The following THSD4 variants were observed in gnomAD, a reference collection of about 807,000 sequenced individuals.
The protein encoded by THSD4 is thrombospondin type 1 domain containing 4.
Under a neutral mutation model 119.0 loss-of-function variants are expected in THSD4, and 69 were observed. That is an observed-to-expected ratio of 0.58 (90% CI 0.48 to 0.71). The LOEUF is 0.71. Among genes scored for constraint, THSD4 ranks in the 30% least tolerant of loss-of-function variants. The pLI is 0.00. For synonymous variants in THSD4, 524 were observed against 540.4 expected (o/e 0.97, Z 0.42); for missense variants, 1,393 against 1,391.1 (o/e 1.00, Z -0.02).
At chr15:71,459,390 CTCTCTCTCTCTCTCTG>C (rs2047393735) in intron 7 of THSD4, among the ~76,000 whole-genome samples, 4 of 151,264 alleles carry the variant, frequency 2.6e-5, no homozygotes, top group African/African-American at 7.3e-5. Context: ...GTCTCTCTCT[CTCTCTCTCTCTCTCTG>C]TCTCTCTCTC....
In THSD4 at chr15:71,686,044, T is replaced by C. The variant is rs183999074; in HGVS notation, c.1357+25310T>C. On this transcript the variant is annotated intron_variant, in intron 8 of 17. Coordinates refer to ENST00000261862, the MANE Select transcript of THSD4 (RefSeq NM_024817.3). ...AGTTCCCATGTACTCTTAACCCAGC[T>C]TCCCCTAATAAGAAATTTTTAAAAC... 9.2e-5 allele frequency among the ~76,000 whole-genome samples: 14 copies of C among 152,316 alleles called. No individual in the cohort carries two copies. The East Asian group carries it at 2.5e-3, about 27-fold the overall frequency.
At chr15:71,530,486 G>A (rs904185447) in intron 7 of THSD4, among the ~76,000 whole-genome samples, 2 of 152,158 alleles carry the variant, frequency 1.3e-5, no homozygotes, top group Non-Finnish European at 2.9e-5. Context: ...TGGTTTTTGG[G>A]TGTGAGTTTT....
intron 8 of THSD4, among the ~76,000 whole-genome samples, chr15:71,705,225 GT>G (rs2052371700): frequency 6.6e-6 from 1 of 152,192 alleles, no homozygotes; most frequent in Non-Finnish European, 1.5e-5. Flanking sequence ...CACAGCAGGT[GT>G]CCCTCAAACT....
chr15:71,244,696 A>C lies in THSD4; in HGVS notation c.912+1600A>C, dbSNP rs546598857. On this transcript the variant is annotated intron_variant, in intron 5 of 17. Coordinates refer to ENST00000261862, the MANE Select transcript of THSD4 (RefSeq NM_024817.3). Reference sequence around the variant, plus strand: ...TCTACCTCCTAGCATTGCTTTGAGGATCAAATGAGGGATGGTAGGAAAGTG... The same window carrying C: ...TCTACCTCCTAGCATTGCTTTGAGGCTCAAATGAGGGATGGTAGGAAAGTG... Among the ~76,000 whole-genome samples the C allele has an allele frequency of 2.6e-5, 4 of 152,348 alleles. No homozygotes were observed. In the South Asian group the frequency reaches 8.3e-4, roughly 32 times the overall value.
chr15:71,712,079 G>A (rs1425785459), intron 8 of THSD4, among the ~76,000 whole-genome samples: 6 of 152,008 alleles, frequency 3.9e-5, no homozygotes, highest in African/African-American at 1.4e-4. Flanking sequence ...AGTGTACATG[G>A]AACAGTCACT....
chr15:71,259,358 TTTC>T (rs2044362981), intron 6 of THSD4, among the ~76,000 whole-genome samples: 1 of 152,136 alleles, frequency 6.6e-6, no homozygotes, highest in African/African-American at 2.4e-5. Flanking sequence ...TGAGAATAAA[TTTC>T]TCTTGTTTGA....
rs770209380 is a variant in THSD4, at chr15:71,745,246, C to A, written c.2036+11C>A. 6.2e-7 allele frequency: 1 copy of A among 1,613,536 alleles called. No individual in the cohort carries two copies. Among genetic ancestry groups the A allele is most frequent in the South Asian group, 1.1e-5 (1 of 91,028 alleles). ...CCCTTGCCCAGCCTTGTAAGAAGGCCCCTCCATTTAGGTCGCCTATTACCG... is the reference window on the plus strand; with the variant it reads ...CCCTTGCCCAGCCTTGTAAGAAGGCACCTCCATTTAGGTCGCCTATTACCG... On this transcript the variant is annotated intron_variant, in intron 12 of 17. Transcript: ENST00000261862.
rs147703730 is a variant in THSD4 at position 71,181,635 on chromosome 15, C to G, written c.99+26703C>G. ...TGCTTATGGACTTCTCCACTGTGGA[C>G]AGAGTCCCTCTTTGCCATCCCCAGC... On this transcript the variant is annotated intron_variant, in intron 3 of 17. Coordinates refer to ENST00000261862, the MANE Select transcript of THSD4 (RefSeq NM_024817.3). Among the ~76,000 whole-genome samples, 386 of 152,312 alleles carry G rather than the reference C, an allele frequency of 2.5e-3. 4 individuals are homozygous for G. The highest frequency in any genetic ancestry group is 6.8e-3 in the Middle Eastern group (2 of 294).
At chr15:71,156,254 G>C (rs1392557608) in intron 3 of THSD4, among the ~76,000 whole-genome samples, 1 of 151,698 alleles carries the variant, frequency 6.6e-6, no homozygotes, top group African/African-American at 2.4e-5. Context: ...TCTGAGAGGG[G>C]GTTTTCTTTT....
chr15:71,532,283 A>AGAGAGAGAGAGAGAGAGTGTGTGT (rs1379506089), intron 7 of THSD4, among the ~76,000 whole-genome samples: 68 of 101,620 alleles, frequency 6.7e-4, no homozygotes, highest in South Asian at 1.6e-3. Flanking sequence ...AGAGAGAGAG[A>AGAGAGAGAGAGAGAGAGTGTGTGT]GTGTGTGTGT....
At chr15:71,576,257 A>G (rs1392410125) in intron 7 of THSD4, among the ~76,000 whole-genome samples, 5 of 152,222 alleles carry the variant, frequency 3.3e-5, no homozygotes, top group African/African-American at 1.2e-4. Context: ...AATCTTTCTC[A>G]ATACATTTGC....
chr15:71,207,856 G>A (rs756594235), intron 3 of THSD4, among the ~76,000 whole-genome samples: 7 of 152,152 alleles, frequency 4.6e-5, no homozygotes, highest in Non-Finnish European at 1.0e-4. Flanking sequence ...CATGGAACTG[G>A]TTCCTGGTGC....
chr15:71,502,659 T>G (rs115189247), intron 7 of THSD4, among the ~76,000 whole-genome samples: 2 of 152,148 alleles, frequency 1.3e-5, no homozygotes, highest in African/African-American at 4.8e-5. Context: ...AACAGTTGAC[T>G]TGAAAAATAA....
chr15:71,295,794 A>C (rs1455063941), intron 6 of THSD4, among the ~76,000 whole-genome samples: 2 of 152,120 alleles, frequency 1.3e-5, no homozygotes, highest in African/African-American at 4.8e-5. Flanking sequence ...CATTTTTATC[A>C]TGTCAGTAAT....
intron 6 of THSD4, among the ~76,000 whole-genome samples, chr15:71,340,792 G>T (rs1290202574): frequency 6.6e-6 from 1 of 152,026 alleles, no homozygotes. Context: ...TAGAGACAGA[G>T]TTTCGTCATG....
chr15:71,772,553 A>G (rs562119207), intron 17 of THSD4, among the ~76,000 whole-genome samples: 3 of 152,370 alleles, frequency 2.0e-5, no homozygotes, highest in Admixed American at 6.5e-5. Flanking sequence ...AAGGTTCCCA[A>G]GGGGAGCCGT....
At chr15:71,565,623 A>G (rs1306850909) in intron 7 of THSD4, among the ~76,000 whole-genome samples, 1 of 148,158 alleles carries the variant, frequency 6.7e-6, no homozygotes, top group Non-Finnish European at 1.5e-5. Flanking sequence ...AGGATGTGTT[A>G]GAAGTGATGG....
upstream of THSD4, chr15:71,111,496 GA>G: frequency 9.0e-7 from 1 of 1,113,492 alleles, no homozygotes; most frequent in South Asian, 1.6e-5. Context: ...GAGATTTTTA[GA>G]AACAGCTCAA....
chr15:71,637,403 A>G (rs1333818512), intron 7 of THSD4, among the ~76,000 whole-genome samples: 1 of 152,182 alleles, frequency 6.6e-6, no homozygotes, highest in Non-Finnish European at 1.5e-5. Flanking sequence ...AAAGGAAAGA[A>G]AAAAAGGGAA....
Sources: allele counts gnomAD v4.1 joint callset (sites outside exome capture counted in the v4.1 genomes callset), GRCh38; gene constraint gnomAD v4.1.1; transcripts MANE v1.5; gene names NCBI Gene and HGNC (gene_info 2026-07-23, HGNC 2026-07-21).